SERGEF: variants seen among roughly 807,000 people sequenced by gnomAD.
SERGEF encodes secretion regulating guanine nucleotide exchange factor.
Under a neutral mutation model 50.0 loss-of-function variants are expected in SERGEF, and 51 were observed. That is an observed-to-expected ratio of 1.02 (90% CI 0.81 to 1.29). The LOEUF (loss-of-function observed/expected upper bound fraction) is 1.29, where lower values mean the gene tolerates loss of function less well. SERGEF is among the 50% of genes most tolerant of loss of function. The pLI, the probability that SERGEF is intolerant of heterozygous loss-of-function variation, is 0.00. For missense variants in SERGEF, 521 were observed against 557.0 expected (o/e 0.94, Z 0.65); for synonymous variants, 205 against 212.4 (o/e 0.97, Z 0.30).
rs1267783834 is a variant in SERGEF, at chr11:17,991,645, C to T, written c.685+1286G>A. On this transcript the variant is annotated intron_variant, in intron 7 of 10. Coordinates refer to ENST00000265965, the MANE Select transcript of SERGEF (RefSeq NM_012139.4). The surrounding 1 kb of genome is among the most constrained non-coding windows in gnomAD (Gnocchi z 4.9). The stretch of plus-strand genomic sequence containing the variant: ...ATATATAAATCTACCTAATGTGAGA[C>T]ACAAGTTAAAAGTAGGTGCTTTTTT... 6.6e-6 allele frequency among the ~76,000 whole-genome samples: 1 copy of T among 152,170 alleles called. No individual in the cohort carries two copies. Among genetic ancestry groups the T allele is most frequent in the East Asian group, 1.9e-4 (1 of 5,200 alleles).
chr11:17,843,012 A>G (rs1469151142), intron 10 of SERGEF, among the ~76,000 whole-genome samples: 2 of 152,222 alleles, frequency 1.3e-5, no homozygotes, highest in Admixed American at 1.3e-4. Flanking sequence ...TCAAGCCTGC[A>G]TAAGGATCCC....
At chr11:18,007,891 A>G (rs182127663) in intron 2 of SERGEF, 50 bp downstream of exon 2, 1 of 1,551,966 alleles carries the variant, frequency 6.4e-7, no homozygotes, top group Admixed American at 1.8e-5. Context: ...ATCCAGGGGA[A>G]AACGTCTAAA....
Position 17,965,049 on chromosome 11 carries a change from G to A in SERGEF, c.845-5413C>T, listed in dbSNP as rs560346043. Among the ~76,000 whole-genome samples, 3 of 152,268 alleles carry A rather than the reference G, an allele frequency of 2.0e-5. No homozygotes were observed. In the South Asian group the frequency reaches 6.2e-4, roughly 32 times the overall value. ...ATGTGCCATGCTGCTCCTCCACAAG[G>A]CCTCTGATATGGTTTGGCTGTGTCC... is the stretch of plus-strand genomic sequence containing the variant. On this transcript the variant is annotated intron_variant, in intron 8 of 10. Coordinates refer to ENST00000265965, the MANE Select transcript of SERGEF (RefSeq NM_012139.4).
At chr11:18,011,267 A>G (rs1854190461) in intron 1 of SERGEF, among the ~76,000 whole-genome samples, 1 of 152,114 alleles carries the variant, frequency 6.6e-6, no homozygotes, top group Admixed American at 6.6e-5. Flanking sequence ...ATTTGGAAAG[A>G]AGGCCTTTAA....
intron 10 of SERGEF, among the ~76,000 whole-genome samples, chr11:17,790,600 G>C (rs1386612071): frequency 6.6e-6 from 1 of 152,130 alleles, no homozygotes; most frequent in Non-Finnish European, 1.5e-5. Flanking sequence ...ATTATAGACA[G>C]TATTGCAATG....
chr11:17,846,521 A>ATTTTTTTTTTTTTTT, intron 10 of SERGEF: 1 of 354,646 alleles, frequency 2.8e-6, no homozygotes, highest in Non-Finnish European at 5.6e-6. Flanking sequence ...CCATCTTTGT[A>ATTTTTTTTTTTTTTT]TTTTTTTTTC....
chr11:17,903,687 A>C (rs1851787999), intron 9 of SERGEF, among the ~76,000 whole-genome samples: 1 of 152,256 alleles, frequency 6.6e-6, no homozygotes, highest in Admixed American at 6.5e-5. Flanking sequence ...AGGTGGCAGC[A>C]AAAGTTAAAA....
At chr11:17,971,036 T>C (rs1004209593) in intron 8 of SERGEF, among the ~76,000 whole-genome samples, 1 of 151,564 alleles carries the variant, frequency 6.6e-6, no homozygotes, top group Non-Finnish European at 1.5e-5. Flanking sequence ...CTACAAAAAA[T>C]ACAAAAACTT....
intron 10 of SERGEF, among the ~76,000 whole-genome samples, chr11:17,824,056 C>A (rs1350154659): frequency 6.6e-6 from 1 of 152,148 alleles, no homozygotes; most frequent in Admixed American, 6.5e-5. Context: ...AATCCCAGCA[C>A]TTTGGGAGGC....
Position 18,010,240 on chromosome 11 carries a change from C to T in SERGEF, c.61-2164G>A, listed in dbSNP as rs1312115653. On this transcript the variant is annotated intron_variant, in intron 1 of 10. Coordinates refer to ENST00000265965, the MANE Select transcript of SERGEF (RefSeq NM_012139.4). ...CTTCCCCTTGTAGTCTATTTCACAG[C>T]CATCCTGGGCTGCAAGGACTCAAAG... 79 of 405,910 alleles carry T rather than the reference C, an allele frequency of 1.9e-4. 1 individual carries two copies. The South Asian group carries it at 2.4e-3, about 12-fold the overall frequency. The allele number at this position is 405,910 out of a possible 1,614,324, so 25.1% of individuals were successfully genotyped here.
At chr11:17,952,776 G>T (rs545461270) in intron 9 of SERGEF, among the ~76,000 whole-genome samples, 1 of 152,178 alleles carries the variant, frequency 6.6e-6, no homozygotes, top group East Asian at 1.9e-4. Context: ...CACTGAAGCT[G>T]CTCTCTCAAG....
chr11:17,964,294 T>C (rs556530321), intron 8 of SERGEF, among the ~76,000 whole-genome samples: 9 of 150,816 alleles, frequency 6.0e-5, no homozygotes, highest in African/African-American at 1.2e-4. Flanking sequence ...GGATACTCTG[T>C]GGGTAGGGTG....
At chr11:17,802,035 A>G (rs1849679329) in intron 10 of SERGEF, among the ~76,000 whole-genome samples, 1 of 152,166 alleles carries the variant, frequency 6.6e-6, no homozygotes, top group African/African-American at 2.4e-5. Flanking sequence ...CCACCGACCC[A>G]AGTTCTCCTA....
At chr11:17,968,940 C>G (rs1853188798) in intron 8 of SERGEF, among the ~76,000 whole-genome samples, 2 of 152,150 alleles carry the variant, frequency 1.3e-5, no homozygotes, top group Non-Finnish European at 2.9e-5. Context: ...AGCACATCAC[C>G]TTTCCTAATG....
At chr11:17,791,908 T>C (rs941291087) in intron 10 of SERGEF, among the ~76,000 whole-genome samples, 1 of 152,242 alleles carries the variant, frequency 6.6e-6, no homozygotes, top group African/African-American at 2.4e-5. Context: ...ATTTTAAGAA[T>C]ATTAGTTCTT....
chr11:17,794,422 G>A (rs1268860389), intron 10 of SERGEF, among the ~76,000 whole-genome samples: 3 of 152,104 alleles, frequency 2.0e-5, no homozygotes, highest in Admixed American at 6.5e-5. Context: ...GCAACCCTCG[G>A]AGGTACTACT....
intron 1 of SERGEF, among the ~76,000 whole-genome samples, chr11:18,011,506 C>G (rs1355530230): frequency 6.6e-6 from 1 of 152,180 alleles, no homozygotes; most frequent in Non-Finnish European, 1.5e-5. Context: ...GCCTTCTAGC[C>G]TCTGGAACTG....
At chr11:17,866,251 G>A (rs895996467) in intron 10 of SERGEF, among the ~76,000 whole-genome samples, 3 of 152,068 alleles carry the variant, frequency 2.0e-5, no homozygotes, top group African/African-American at 2.4e-5. Context: ...AATGCCTTAC[G>A]GCTGCTCTGG....
chr11:17,993,565 T>G (rs1432939966), intron 6 of SERGEF, among the ~76,000 whole-genome samples: 1 of 152,228 alleles, frequency 6.6e-6, no homozygotes, highest in African/African-American at 2.4e-5. Context: ...GCACTTTTCC[T>G]TCCTTAATTA....
Sources: allele counts gnomAD v4.1 joint callset (sites outside exome capture counted in the v4.1 genomes callset), GRCh38; gene constraint gnomAD v4.1.1; non-coding constraint Gnocchi (gnomAD v3.1); transcripts MANE v1.5; gene names NCBI Gene and HGNC (gene_info 2026-07-23, HGNC 2026-07-21).